The following MBOAT2 variants were observed in gnomAD, a reference collection of about 807,000 sequenced individuals.
MBOAT2 encodes the protein membrane-bound glycerophospholipid O-acyltransferase 2.
Under a neutral mutation model 63.4 loss-of-function variants are expected in MBOAT2, and 28 were observed. The ratio of observed to expected loss-of-function variants is 0.44; its 90% CI spans 0.33 to 0.61. MBOAT2 has a LOEUF of 0.61. MBOAT2 is among the 20% of genes least tolerant of loss of function. The pLI, the probability that MBOAT2 is intolerant of heterozygous loss-of-function variation, is 0.03. For missense variants in MBOAT2, 470 were observed against 605.8 expected (o/e 0.78, Z 2.35); for synonymous variants, 211 against 215.6 (o/e 0.98, Z 0.19).
intron 4 of MBOAT2, among the ~76,000 whole-genome samples, chr2:8,895,957 G>A (rs1664432521): frequency 6.6e-6 from 1 of 152,198 alleles, no homozygotes; most frequent in African/African-American, 2.4e-5. Context: ...GTGAAAGGGA[G>A]CCGGGCACGG....
At chr2:8,968,832 AAG>A (rs1291919550) in intron 1 of MBOAT2, among the ~76,000 whole-genome samples, 1 of 152,210 alleles carries the variant, frequency 6.6e-6, no homozygotes, top group African/African-American at 2.4e-5. Context: ...TTAGAGAAAA[AAG>A]AGTAAAAAGA....
At chr2:8,871,189 G>A (rs866850816) in intron 8 of MBOAT2, among the ~76,000 whole-genome samples, 1 of 151,878 alleles carries the variant, frequency 6.6e-6, no homozygotes, top group African/African-American at 2.4e-5. Context: ...GAAGAGATGG[G>A]GTCTCACCAT....
chr2:8,935,874 C>A (rs987072053), intron 3 of MBOAT2, among the ~76,000 whole-genome samples: 4 of 152,168 alleles, frequency 2.6e-5, no homozygotes, highest in Admixed American at 1.3e-4. Context: ...TAAATTCAAT[C>A]TTTTTTCATG....
At chr2:8,923,927 G>A (rs532333091) in intron 3 of MBOAT2, among the ~76,000 whole-genome samples, 1 of 152,056 alleles carries the variant, frequency 6.6e-6, no homozygotes, top group Non-Finnish European at 1.5e-5. Context: ...ATTAAAATGG[G>A]TTTTTTTGTA....
At chr2:8,905,416 T>C (rs538497584) in intron 4 of MBOAT2, among the ~76,000 whole-genome samples, 26 of 152,222 alleles carry the variant, frequency 1.7e-4, no homozygotes, top group African/African-American at 5.8e-4. Flanking sequence ...AATTCGACTA[T>C]CTAATCTTTA....
At chr2:8,921,982 C>T (rs918356752) in intron 3 of MBOAT2, among the ~76,000 whole-genome samples, 3 of 152,184 alleles carry the variant, frequency 2.0e-5, no homozygotes, top group Admixed American at 1.3e-4. Context: ...TCTCTCCCCT[C>T]TCTTTTGGAA....
chr2:8,902,009 G>A (rs533604647), intron 4 of MBOAT2, among the ~76,000 whole-genome samples: 16 of 152,304 alleles, frequency 1.1e-4, no homozygotes, highest in Middle Eastern at 6.8e-3. Flanking sequence ...CATGGCCGCA[G>A]GGTCAACCAA....
chr2:8,883,101 C>G (rs965743169), intron 5 of MBOAT2, among the ~76,000 whole-genome samples: 2 of 151,922 alleles, frequency 1.3e-5, no homozygotes, highest in African/African-American at 4.8e-5. Flanking sequence ...GATCCATATG[C>G]TTTAAAAATA....
At chr2:8,942,504 T>C (rs928559039) in intron 3 of MBOAT2, among the ~76,000 whole-genome samples, 1 of 152,204 alleles carries the variant, frequency 6.6e-6, no homozygotes, top group Non-Finnish European at 1.5e-5. Context: ...AATCTCCTCT[T>C]ATATGTCTTA....
chr2:9,000,908 T>C (rs1672639119), intron 1 of MBOAT2, among the ~76,000 whole-genome samples: 1 of 152,240 alleles, frequency 6.6e-6, no homozygotes, highest in Non-Finnish European at 1.5e-5. Flanking sequence ...AAACATACTG[T>C]ACAGTTGTAT....
In MBOAT2 at chr2:8,912,420, G is replaced by A. The variant is rs540730996; in HGVS notation, c.300-3704C>T. On this transcript the variant is annotated intron_variant, in intron 3 of 12. Transcript: ENST00000305997. ...GAAAGAAAGAAAGAAAGAAAGACAG[G>A]CCGGCCGGCCTTGAAAACCCTAAGG... Among the ~76,000 whole-genome samples the A allele has an allele frequency of 9.1e-4, 119 of 130,822 alleles. 3 individuals are homozygous for A. The highest frequency in any genetic ancestry group is 2.5e-3 in the African/African-American group (82 of 33,096). 85.8% of individuals were successfully genotyped at this position (130,822 alleles called of 152,430 possible).
rs58971939 is a variant in MBOAT2, at chr2:8,879,075, CAA to C, written c.507-1864_507-1863del. ...TGGGCGACAGAGCGAGACTCCGTCT[CAA>C]AAAAAAAAAAAAAAAAAAATGTCTT... is the stretch of plus-strand genomic sequence containing the variant. On this transcript the variant is annotated intron_variant, in intron 6 of 12. Coordinates refer to ENST00000305997, the MANE Select transcript of MBOAT2 (RefSeq NM_138799.4). Among the ~76,000 whole-genome samples, 262 of 58,928 alleles carry C rather than the reference CAA, an allele frequency of 4.4e-3. 1 individual carries two copies. The highest frequency in any genetic ancestry group is 0.014 in the African/African-American group (231 of 16,458). The allele number at this position is 58,928 out of a possible 152,430, so 38.7% of individuals were successfully genotyped here.
intron 11 of MBOAT2, 119 bp from the exon 12 acceptor site, chr2:8,860,883 T>TTGCTAG: frequency 1.3e-6 from 1 of 797,046 alleles, no homozygotes; most frequent in Non-Finnish European, 2.0e-6. Flanking sequence ...CTCTCCTAAG[T>TTGCTAG]TGCTAGTGGG....
intron 1 of MBOAT2, among the ~76,000 whole-genome samples, chr2:8,997,377 T>C (rs1672382585): frequency 6.6e-6 from 1 of 152,138 alleles, no homozygotes. Context: ...GAAGCATTTT[T>C]AAAGCAGGGA....
chr2:8,948,863 T>C (rs928482031), intron 2 of MBOAT2, among the ~76,000 whole-genome samples: 8 of 151,774 alleles, frequency 5.3e-5, no homozygotes, highest in African/African-American at 1.9e-4. Flanking sequence ...TACCCAGTAA[T>C]GGGATTGCTG....
chr2:8,873,323 T>A, intron 7 of MBOAT2, 23 bp from the exon 8 acceptor site: 1 of 1,604,102 alleles, frequency 6.2e-7, no homozygotes, highest in East Asian at 2.2e-5. Context: ...AGGCGAGACT[T>A]CATCAACTTT....
intron 1 of MBOAT2, among the ~76,000 whole-genome samples, chr2:8,993,453 G>C (rs1672052858): frequency 6.6e-6 from 1 of 152,204 alleles, no homozygotes. Context: ...GCTGATTAGG[G>C]GAGCTCAGTC....
At chr2:8,877,263 C>T (rs1258183364) in intron 6 of MBOAT2, 50 bp from the exon 7 acceptor site, 5 of 1,529,648 alleles carry the variant, frequency 3.3e-6, no homozygotes, top group Non-Finnish European at 4.4e-6. Context: ...AGCTTCAGAA[C>T]ATCTGATAGA....
intron 3 of MBOAT2, among the ~76,000 whole-genome samples, chr2:8,936,786 CAAAAAAAA>C (rs745694357): frequency 0.1 from 5,777 of 56,358 alleles, 94 homozygotes; most frequent in Middle Eastern, 0.15. Context: ...GACTCCGTCT[CAAAAAAAA>C]AAAAAAAAAA....
Sources: gnomAD v4.1 joint callset for allele counts (sites outside exome capture counted in the v4.1 genomes callset) on GRCh38, gnomAD v4.1.1 for gene constraint, MANE v1.5 for transcripts, NCBI Gene and HGNC (gene_info 2026-07-23, HGNC 2026-07-21) for gene names.